ZNF615: variants seen among roughly 807,000 people sequenced by gnomAD.
ZNF615 encodes the protein zinc finger protein 615.
In ZNF615, 15 loss-of-function variants were observed where a neutral mutation model predicts 15.3. The observed-to-expected ratio is 0.98, with a 90% CI of 0.66 to 1.51. The LOEUF (loss-of-function observed/expected upper bound fraction) is 1.51. Ranked by LOEUF, ZNF615 falls within the 40% of genes most tolerant of loss-of-function variation. ZNF615 has a pLI of 0.00. For synonymous variants in ZNF615, 268 were observed against 294.6 expected (o/e 0.91, Z 0.92); for missense variants, 848 against 895.9 (o/e 0.95, Z 0.68).
intron 4 of ZNF615, 109 bp from the exon 5 acceptor site, chr19:52,002,017 A>G: frequency 6.2e-7 from 1 of 1,604,930 alleles, no homozygotes; most frequent in Non-Finnish European, 8.5e-7. Context: ...CTGTAACAAG[A>G]AGGTAGATTA....
At chr19:52,006,412 A>G (rs1358045190) in intron 2 of ZNF615, among the ~76,000 whole-genome samples, 1 of 152,240 alleles carries the variant, frequency 6.6e-6, no homozygotes. Flanking sequence ...AGTTATGCCA[A>G]TCACACAATG....
In ZNF615 at chr19:52,003,911, A is replaced by G; in HGVS notation, c.-189-11T>C. The G allele has an allele frequency of 7.3e-7, 1 of 1,370,058 alleles. No individual in the cohort carries two copies. The highest frequency in any genetic ancestry group is 9.4e-7 in the Non-Finnish European group (1 of 1,063,336). 84.9% of individuals were successfully genotyped at this position (1,370,058 alleles called of 1,614,324 possible). ...CTCAGCACCTGTGGGCTGAAGAGCA[A>G]ATTACTCTGAGTGGTACATTCTTTT... is the stretch of plus-strand genomic sequence containing the variant. On this transcript the variant is annotated splice_polypyrimidine_tract_variant and intron_variant, in intron 2 of 6. Coordinates refer to ENST00000598071, the MANE Select transcript of ZNF615 (RefSeq NM_001199324.2).
intron 6 of ZNF615, 124 bp from the exon 7 acceptor site, chr19:51,994,961 A>AT (rs1168819272): frequency 7.3e-6 from 7 of 961,354 alleles, no homozygotes; most frequent in Admixed American, 3.6e-5. Context: ...TTATTTATTT[A>AT]TTTTTTTGTG....
chr19:52,007,295 T>C lies in ZNF615; in HGVS notation c.-192A>G, dbSNP rs2086780270. ...TATCTTTGAGTAACCGAGCTTACCATGGCAGAGATGTTATCTTACTTGTGT... is the reference window on the plus strand; with the variant it reads ...TATCTTTGAGTAACCGAGCTTACCACGGCAGAGATGTTATCTTACTTGTGT... On this transcript the variant is annotated splice_region_variant and 5_prime_UTR_variant, in exon 2 of 7. The change abolishes an upstream ATG in the 5' untranslated region. Coordinates refer to ENST00000598071, the MANE Select transcript of ZNF615 (RefSeq NM_001199324.2). The C allele has an allele frequency of 7.8e-7, 1 of 1,288,948 alleles. No individual in the cohort carries two copies. The highest frequency in any genetic ancestry group is 1.5e-5 in the African/African-American group (1 of 65,852). The allele number at this position is 1,288,948 out of a possible 1,614,324, so 79.8% of individuals were successfully genotyped here.
At position 52,001,923 on chromosome 19, in the gene ZNF615, T is replaced by C; in HGVS notation, c.143-15A>G. 1.2e-6 allele frequency: 2 copies of C among 1,613,720 alleles called. No homozygotes were observed. The highest frequency in any genetic ancestry group is 2.2e-5 in the South Asian group (2 of 91,080). On this transcript the variant is annotated splice_polypyrimidine_tract_variant and intron_variant, in intron 4 of 6. Transcript: ENST00000598071. ...GGCTTGATACCCTGTTCATGGGAAA[T>C]GACAGAAGATTTAGACAAATCAAAC...
chr19:51,994,371 A>C lies in ZNF615; in HGVS notation c.738T>G (p.Ser246Arg). The change falls in exon 7 of 7, where the codon AGT becomes AGG. Residue 246 changes from serine (S) to arginine (R), a missense_variant. Ser to Arg is a moderately radical substitution (Grantham distance 110). Transcript: ENST00000598071. ...VHTGEKPHVC[S>R]MCGKAFSRKS... ...TTCTGGAGAAAGCTTTCCCACACAT[A>C]CTGCATACATGAGGTTTTTCTCCAG... The C allele has an allele frequency of 6.2e-7, 1 of 1,614,130 alleles. No homozygotes were observed. The highest frequency in any genetic ancestry group is 8.5e-7 in the Non-Finnish European group (1 of 1,180,030).
In ZNF615 at chr19:52,002,257, C is replaced by G; in HGVS notation, c.40G>C (p.Ala14Pro). The G allele has an allele frequency of 6.2e-7, 1 of 1,614,214 alleles. No individual in the cohort carries two copies. Among genetic ancestry groups the G allele is most frequent in the Non-Finnish European group, 8.5e-7 (1 of 1,180,042 alleles). ...AQESLTLEDV[A>P]VDFTWEEWQF... is the part of the protein sequence containing the mutation. ...CACTCCTCCCAGGTGAAGTCCACAG[C>G]CACATCCTCCAGTGTTAGGGATTCC... The change falls in exon 4 of 7, where the codon GCT (alanine) becomes CCT (proline). Residue 14 changes from alanine to proline, a missense_variant. Transcript: ENST00000598071.
intron 2 of ZNF615, chr19:52,004,692 C>T (rs1329867102): frequency 6.6e-6 from 1 of 151,908 alleles, no homozygotes; most frequent in Non-Finnish European, 1.5e-5. Flanking sequence ...TGCACCCGGC[C>T]GCCATCCACA....
intron 6 of ZNF615, among the ~76,000 whole-genome samples, chr19:51,997,750 C>A (rs1028724176): frequency 5.9e-5 from 9 of 152,142 alleles, no homozygotes; most frequent in Admixed American, 5.2e-4. Context: ...ATGGTGGACA[C>A]CTGGTTTTGC....
rs2086624983 is a variant in ZNF615 at position 52,002,379 on chromosome 19, G to C, written c.16-98C>G. ...TCCGCTCATTTTCACCACATAGGAA[G>C]CTGGTGGGGTTTTTTTCTTAGTACA... On this transcript the variant is annotated intron_variant, in intron 3 of 6. Transcript: ENST00000598071. The C allele has an allele frequency of 3.1e-5, 47 of 1,539,428 alleles. No homozygotes were observed. In the South Asian group the frequency reaches 4.6e-4, roughly 15 times the overall value.
chr19:51,992,802 T>C lies in ZNF615; in HGVS notation c.*78A>G. ...ACTGATCACTAAATAAACAACCATG[T>C]AGTCTGCATTCATGAAATTACTCTT... On this transcript the variant is annotated 3_prime_UTR_variant, in exon 7 of 7. Transcript: ENST00000598071. 6.8e-7 allele frequency: 1 copy of C among 1,464,534 alleles called. No individual in the cohort carries two copies. The highest frequency in any genetic ancestry group is 9.3e-7 in the Non-Finnish European group (1 of 1,074,954). 90.7% of individuals were successfully genotyped at this position (1,464,534 alleles called of 1,614,324 possible).
At chr19:52,005,364 AC>A (rs1218457038) in intron 2 of ZNF615, among the ~76,000 whole-genome samples, 4 of 152,370 alleles carry the variant, frequency 2.6e-5, no homozygotes, top group East Asian at 1.9e-4. Flanking sequence ...AATTACCATA[AC>A]ATTAACAAAT....
In ZNF615 at chr19:51,992,638, G is replaced by A; in HGVS notation, c.*242C>T. The A allele has an allele frequency of 2.0e-6, 1 of 503,652 alleles. No homozygotes were observed. Among genetic ancestry groups the A allele is most frequent in the Non-Finnish European group, 3.5e-6 (1 of 286,010 alleles). The allele number at this position is 503,652 out of a possible 1,614,324, so 31.2% of individuals were successfully genotyped here. A position where few individuals can be genotyped will look rare whatever the true frequency, so the allele number is the denominator to read the frequency against. On this transcript the variant is annotated 3_prime_UTR_variant, in exon 7 of 7. Coordinates refer to ENST00000598071, the MANE Select transcript of ZNF615 (RefSeq NM_001199324.2). ...CATGATCTATGATCACTTCTGAGGG[G>A]GTTTATCTTCCCACCAAAGGCTTTT...
intron 2 of ZNF615, 54 bp from the exon 3 acceptor site, chr19:52,003,954 A>C: frequency 8.0e-7 from 1 of 1,253,824 alleles, no homozygotes. Context: ...AGATGTTGTC[A>C]CTGTTCCTAT....
intron 1 of ZNF615, 86 bp downstream of exon 1, chr19:52,008,055 C>A (rs2086805065): frequency 2.3e-6 from 3 of 1,287,432 alleles, no homozygotes; most frequent in Non-Finnish European, 3.2e-6. Flanking sequence ...AGATACCAGT[C>A]CATCACCACT....
intron 6 of ZNF615, among the ~76,000 whole-genome samples, chr19:51,996,402 A>AAAAAAAAAAAAAAAAC (rs1555771241): frequency 7.4e-5 from 10 of 134,312 alleles, no homozygotes; most frequent in Non-Finnish European, 1.2e-4. Flanking sequence ...AAAAAAAAAA[A>AAAAAAAAAAAAAAAAC]AAAAAACGCA....
At chr19:52,004,711 C>T (rs1379835522) in intron 2 of ZNF615, 5 of 152,054 alleles carry the variant, frequency 3.3e-5, no homozygotes, top group African/African-American at 1.2e-4. Flanking sequence ...CATCTTGATA[C>T]TTGCAAAGTA....
At chr19:52,002,050 G>A in intron 4 of ZNF615, 105 bp downstream of exon 4, 1 of 1,611,802 alleles carries the variant, frequency 6.2e-7, no homozygotes, top group South Asian at 1.1e-5. Context: ...TGGGGCAAGA[G>A]AATGATGTGA....
In ZNF615 at chr19:52,000,395, A is replaced by G. The variant is rs1376323211; in HGVS notation, c.239-17T>C. The stretch of plus-strand genomic sequence containing the variant: ...CTCCTGAATCTAAAATAAAAACATA[A>G]AAGATAAAATAAAATTAAAAAAATA... On this transcript the variant is annotated splice_polypyrimidine_tract_variant and intron_variant, in intron 5 of 6. Coordinates refer to ENST00000598071, the MANE Select transcript of ZNF615 (RefSeq NM_001199324.2). 1.9e-5 allele frequency: 12 copies of G among 624,018 alleles called. No homozygotes were observed. Among genetic ancestry groups the G allele is most frequent in the Non-Finnish European group, 3.2e-5 (11 of 343,588 alleles). The allele number at this position is 624,018 out of a possible 1,614,324, so 38.7% of individuals were successfully genotyped here. A position where few individuals can be genotyped will look rare whatever the true frequency, so the allele number is the denominator to read the frequency against.
Sources: gnomAD v4.1 joint callset for allele counts (sites outside exome capture counted in the v4.1 genomes callset) on GRCh38, gnomAD v4.1.1 for gene constraint, MANE v1.5 for transcripts, NCBI Gene and HGNC (gene_info 2026-07-23, HGNC 2026-07-21) for gene names.